The following MTUS2 variants were observed in gnomAD, a reference collection of about 807,000 sequenced individuals.
MTUS2 encodes the protein microtubule-associated tumor suppressor candidate 2.
Under a neutral mutation model 114.1 loss-of-function variants are expected in MTUS2, and 40 were observed. That is an observed-to-expected ratio of 0.35 (90% confidence interval 0.27 to 0.46). MTUS2 has a LOEUF of 0.46. Among genes scored for constraint, MTUS2 ranks in the 20% least tolerant of loss-of-function variants. The probability of loss-of-function intolerance (pLI) is 1.00; values close to 1 mark genes in which losing one functional copy is unlikely to be tolerated. For missense variants in MTUS2, 1,679 were observed against 1,705.4 expected (o/e 0.98, Z 0.27); for synonymous variants, 688 against 672.0 (o/e 1.02, Z -0.37).
chr13:28,985,624 G>A (rs1884550976), intron 2 of MTUS2, among the ~76,000 whole-genome samples: 1 of 149,314 alleles, frequency 6.7e-6, no homozygotes, highest in East Asian at 2.0e-4. Context: ...CAGTGCCGTT[G>A]TTTAAGTCAC....
In MTUS2 at chr13:29,389,699, A is replaced by G. The variant is rs1189262030; in HGVS notation, c.3117+30226A>G. Among the ~76,000 whole-genome samples the G allele has an allele frequency of 1.8e-4, 25 of 141,294 alleles. 5 individuals are homozygous for G. The highest frequency in any genetic ancestry group is 6.3e-4 in the African/African-American group (24 of 37,982). The allele number at this position is 141,294 out of a possible 152,430, so 92.7% of individuals were successfully genotyped here. A position where few individuals can be genotyped will look rare whatever the true frequency, so the allele number is the denominator to read the frequency against. On this transcript the variant is annotated intron_variant, in intron 8 of 15. Coordinates refer to ENST00000612955, the MANE Select transcript of MTUS2 (RefSeq NM_001033602.4). Reference sequence around the variant, plus strand: ...TACATATATGTATGTATATATGTGTATATGTGTATATGTATATATACATAC... The same window carrying G: ...TACATATATGTATGTATATATGTGTGTATGTGTATATGTATATATACATAC...
At chr13:29,272,339 T>C (rs902740241) in intron 5 of MTUS2, among the ~76,000 whole-genome samples, 9 of 152,346 alleles carry the variant, frequency 5.9e-5, no homozygotes, top group African/African-American at 1.9e-4. Context: ...GTTTAATGAT[T>C]ATAATATTGA....
intron 2 of MTUS2, among the ~76,000 whole-genome samples, chr13:28,985,133 A>G (rs557339315): frequency 5.3e-4 from 81 of 152,330 alleles, no homozygotes; most frequent in African/African-American, 1.9e-3. Flanking sequence ...ATTTTTGCCA[A>G]CAACCTGAGA....
chr13:29,140,770 T>C (rs1892185921), intron 5 of MTUS2, among the ~76,000 whole-genome samples: 1 of 152,180 alleles, frequency 6.6e-6, no homozygotes, highest in Non-Finnish European at 1.5e-5. Context: ...TTCAGGGAGC[T>C]CATCTGGTGG....
chr13:29,457,431 T>G (rs1170936580), intron 9 of MTUS2, among the ~76,000 whole-genome samples: 1 of 139,892 alleles, frequency 7.1e-6, no homozygotes, highest in Non-Finnish European at 1.6e-5. Context: ...TTGCTCCACA[T>G]AAGAGATTAA....
chr13:28,940,420 A>T (rs1882164602), intron 2 of MTUS2, among the ~76,000 whole-genome samples: 1 of 152,236 alleles, frequency 6.6e-6, no homozygotes, highest in Non-Finnish European at 1.5e-5. Context: ...AGGTAAATCC[A>T]TACAGACAGC....
chr13:29,238,011 G>A (rs1328542748), intron 5 of MTUS2, among the ~76,000 whole-genome samples: 1 of 152,194 alleles, frequency 6.6e-6, no homozygotes, highest in African/African-American at 2.4e-5. Context: ...ACAGTATGGA[G>A]GTTCCTCAAA....
chr13:28,833,831 G>C (rs1801537651), intron 1 of MTUS2, among the ~76,000 whole-genome samples: 1 of 152,030 alleles, frequency 6.6e-6, no homozygotes, highest in Non-Finnish European at 1.5e-5. Context: ...GAACTAAAAA[G>C]TTCAGTAAGG....
chr13:29,142,383 C>G (rs1187597840), intron 5 of MTUS2, among the ~76,000 whole-genome samples: 4 of 152,026 alleles, frequency 2.6e-5, no homozygotes, highest in Admixed American at 2.6e-4. Flanking sequence ...TGGTCCAGAA[C>G]CATTGATAGG....
rs751020009 is a variant in MTUS2, at chr13:29,071,409, A to ATTTTTTTTTTTTTTTTTTTTTTTTTTTTT, written c.2447-29358_2447-29330dup. Among the ~76,000 whole-genome samples the ATTTTTTTTTTTTTTTTTTTTTTTTTTTTT allele has an allele frequency of 7.6e-4, 35 of 46,142 alleles. 10 individuals carry two copies. The highest frequency in any genetic ancestry group is 1.9e-3 in the African/African-American group (17 of 9,168). The allele number at this position is 46,142 out of a possible 152,430, so 30.3% of individuals were successfully genotyped here. A position where few individuals can be genotyped will look rare whatever the true frequency, so the allele number is the denominator to read the frequency against. ...TTTAAAAGATCTCTATGTTGCTTGA[A>ATTTTTTTTTTTTTTTTTTTTTTTTTTTTT]TTTTTTTTTTTTTTTTTTTTTTTTT... On this transcript the variant is annotated intron_variant, in intron 4 of 15. Transcript: ENST00000612955.
intron 2 of MTUS2, among the ~76,000 whole-genome samples, chr13:28,877,472 A>G (rs942854412): frequency 6.6e-6 from 1 of 152,228 alleles, no homozygotes; most frequent in Middle Eastern, 3.2e-3. Context: ...GTTTATCCTT[A>G]GGAAAACTAA....
chr13:29,118,247 C>G (rs775416068), intron 5 of MTUS2, among the ~76,000 whole-genome samples: 2 of 151,634 alleles, frequency 1.3e-5, no homozygotes, highest in Non-Finnish European at 2.9e-5. Context: ...GATACTGGCA[C>G]CCTAGATATT....
chr13:29,126,958 G>C (rs1340883845), intron 5 of MTUS2, among the ~76,000 whole-genome samples: 1 of 152,128 alleles, frequency 6.6e-6, no homozygotes, highest in African/African-American at 2.4e-5. Flanking sequence ...TGGGCATGTG[G>C]TCAGTGCTCA....
At chr13:29,159,174 A>ATG (rs2139070851) in intron 5 of MTUS2, among the ~76,000 whole-genome samples, 1 of 152,332 alleles carries the variant, frequency 6.6e-6, no homozygotes, top group South Asian at 2.1e-4. Context: ...ATGTGTATGT[A>ATG]TGTGTGCATA....
At chr13:29,111,936 A>G (rs1890900939) in intron 5 of MTUS2, among the ~76,000 whole-genome samples, 1 of 152,200 alleles carries the variant, frequency 6.6e-6, no homozygotes, top group Non-Finnish European at 1.5e-5. Context: ...CACTGTGTAC[A>G]GGAAGAGAAG....
In MTUS2 at chr13:29,505,411, A is replaced by G. The variant is rs1340089890; in HGVS notation, c.*2205A>G. On this transcript the variant is annotated 3_prime_UTR_variant, in exon 16 of 16. Coordinates refer to ENST00000612955, the MANE Select transcript of MTUS2 (RefSeq NM_001033602.4). ...GAGAGCTTTGCCCTAACCTGCCCTG[A>G]CCTTGGGTACTTGAGCTAATTTCCA... The G allele has an allele frequency of 4.3e-6, 1 of 230,196 alleles. No homozygotes were observed. Among genetic ancestry groups the G allele is most frequent in the Non-Finnish European group, 8.6e-6 (1 of 116,616 alleles). The allele number at this position is 230,196 out of a possible 1,614,324, so 14.3% of individuals were successfully genotyped here.
At chr13:28,919,880 T>C (rs1205521474) in intron 2 of MTUS2, among the ~76,000 whole-genome samples, 1 of 152,236 alleles carries the variant, frequency 6.6e-6, no homozygotes, top group Non-Finnish European at 1.5e-5. Flanking sequence ...AATATGTCAA[T>C]TGCATTTTCA....
At chr13:29,367,991 G>T (rs971280775) in intron 8 of MTUS2, among the ~76,000 whole-genome samples, 13 of 145,856 alleles carry the variant, frequency 8.9e-5, no homozygotes, top group Admixed American at 2.8e-4. Flanking sequence ...CAGGCTGGAC[G>T]GCAGTGGCGC....
At chr13:28,905,189 G>A (rs1879913826) in intron 2 of MTUS2, among the ~76,000 whole-genome samples, 1 of 151,568 alleles carries the variant, frequency 6.6e-6, no homozygotes, top group Non-Finnish European at 1.5e-5. Context: ...ATACAATCAT[G>A]TCATCTGCAA....
Sources: allele counts gnomAD v4.1 joint callset (sites outside exome capture counted in the v4.1 genomes callset), GRCh38; gene constraint gnomAD v4.1.1; transcripts MANE v1.5; gene names NCBI Gene and HGNC (gene_info 2026-07-23, HGNC 2026-07-21).